The following ZMAT4 variants were observed in gnomAD, a reference collection of about 807,000 sequenced individuals.
ZMAT4 encodes the protein zinc finger matrin-type 4, also known as zinc finger matrin-type protein 4.
ZMAT4 carries 17 observed loss-of-function variants against 28.7 expected under a neutral mutation model. That is an observed-to-expected ratio of 0.59 (90% CI 0.41 to 0.89). The LOEUF is 0.89. Ranked by LOEUF, ZMAT4 falls within the 40% of genes least tolerant of loss-of-function variation. ZMAT4 has a pLI of 0.00. For missense variants in ZMAT4, 240 were observed against 283.8 expected, an observed-to-expected ratio of 0.85 and a Z score of 1.11; for synonymous variants, 117 against 109.2, an observed-to-expected ratio of 1.07 and a Z score of -0.44.
chr8:40,681,323 G>A (rs1019802597), intron 4 of ZMAT4, among the ~76,000 whole-genome samples: 7 of 152,150 alleles, frequency 4.6e-5, no homozygotes, highest in Non-Finnish European at 4.4e-5. Context: ...TTGGAAATGC[G>A]CATTTTTTCT....
At chr8:40,587,216 C>A (rs1261800529) in intron 5 of ZMAT4, among the ~76,000 whole-genome samples, 2 of 151,632 alleles carry the variant, frequency 1.3e-5, no homozygotes, top group Non-Finnish European at 2.9e-5. Flanking sequence ...AGAATATTCT[C>A]AAGGAACAAA....
At chr8:40,693,398 G>A (rs1809741699) in intron 4 of ZMAT4, among the ~76,000 whole-genome samples, 1 of 152,192 alleles carries the variant, frequency 6.6e-6, no homozygotes, top group African/African-American at 2.4e-5. Context: ...TTACAGGTAT[G>A]AGCCTGCTCT....
In ZMAT4 at chr8:40,532,130, T is replaced by A; in HGVS notation, c.*93A>T. ...AATCCTTATAAGAAATGTTTATTGT[T>A]CAAGAAAGAAGCCTCCTCTGGTGGT... On this transcript the variant is annotated 3_prime_UTR_variant, in exon 7 of 7. Transcript: ENST00000297737. 1.6e-6 allele frequency: 2 copies of A among 1,229,774 alleles called. No individual in the cohort carries two copies. The highest frequency in any genetic ancestry group is 2.2e-6 in the Non-Finnish European group (2 of 902,360). 76.2% of individuals were successfully genotyped at this position (1,229,774 alleles called of 1,614,324 possible).
At chr8:40,598,517 C>A (rs1805179477) in intron 5 of ZMAT4, among the ~76,000 whole-genome samples, 1 of 152,090 alleles carries the variant, frequency 6.6e-6, no homozygotes, top group Non-Finnish European at 1.5e-5. Context: ...CCAGTTTCAT[C>A]CATTTCCCTG....
At chr8:40,661,640 T>G (rs1473085376) in intron 5 of ZMAT4, among the ~76,000 whole-genome samples, 1 of 152,198 alleles carries the variant, frequency 6.6e-6, no homozygotes, top group Admixed American at 6.5e-5. Context: ...TAGTTTCCCA[T>G]TTGTTCTAGG....
chr8:40,824,349 G>A (rs1026379927), intron 2 of ZMAT4, among the ~76,000 whole-genome samples: 4 of 152,222 alleles, frequency 2.6e-5, no homozygotes, highest in Non-Finnish European at 5.9e-5. Context: ...GGAGGCTGAG[G>A]TGGGAGGATC....
At chr8:40,815,168 G>A (rs1178116400) in intron 2 of ZMAT4, among the ~76,000 whole-genome samples, 4 of 152,110 alleles carry the variant, frequency 2.6e-5, no homozygotes, top group Non-Finnish European at 2.9e-5. Context: ...CCAGCTACTC[G>A]AGTGGCTGAT....
At chr8:40,569,996 A>G (rs1804042175) in intron 6 of ZMAT4, among the ~76,000 whole-genome samples, 1 of 152,214 alleles carries the variant, frequency 6.6e-6, no homozygotes, top group South Asian at 2.1e-4. Context: ...AACCCCTCAC[A>G]TTTCAAATGA....
chr8:40,814,815 G>T (rs2150599699), intron 2 of ZMAT4, among the ~76,000 whole-genome samples: 1 of 151,184 alleles, frequency 6.6e-6, no homozygotes, highest in East Asian at 1.9e-4. Flanking sequence ...TTTTTGAATT[G>T]TGAATTTGCT....
At chr8:40,891,356 C>T (rs969523227) in intron 1 of ZMAT4, among the ~76,000 whole-genome samples, 1 of 149,424 alleles carries the variant, frequency 6.7e-6, no homozygotes, top group Non-Finnish European at 1.5e-5. Context: ...GTTGGCCACC[C>T]TGCCTGGTGT....
chr8:40,620,632 A>G (rs1018645720), intron 5 of ZMAT4, among the ~76,000 whole-genome samples: 1 of 152,198 alleles, frequency 6.6e-6, no homozygotes, highest in African/African-American at 2.4e-5. Context: ...CCAATTAACA[A>G]TTCCTCACTC....
intron 5 of ZMAT4, among the ~76,000 whole-genome samples, chr8:40,627,848 C>T (rs780638740): frequency 6.4e-4 from 96 of 149,628 alleles, no homozygotes; most frequent in Non-Finnish European, 1.3e-3. Flanking sequence ...GGGGATGGGG[C>T]GGGAGGGAAA....
chr8:40,807,893 C>A (rs970973983), intron 2 of ZMAT4, among the ~76,000 whole-genome samples: 1 of 152,206 alleles, frequency 6.6e-6, no homozygotes, highest in African/African-American at 2.4e-5. Context: ...AGAGGCAAGG[C>A]ATACTGTGCT....
chr8:40,875,501 C>T (rs11774708), intron 1 of ZMAT4, among the ~76,000 whole-genome samples: 14,850 of 152,194 alleles, frequency 0.098, 811 homozygotes, highest in Non-Finnish European at 0.12. Context: ...TGCAGCCACC[C>T]CCCTACCATC....
chr8:40,652,192 G>C (rs576221479), intron 5 of ZMAT4, among the ~76,000 whole-genome samples: 2 of 124,932 alleles, frequency 1.6e-5, no homozygotes, highest in Admixed American at 1.7e-4. Flanking sequence ...ATTTGACAAA[G>C]GGCTAATATC....
chr8:40,615,752 T>A (rs1204451327), intron 5 of ZMAT4, among the ~76,000 whole-genome samples: 1 of 152,254 alleles, frequency 6.6e-6, no homozygotes, highest in Non-Finnish European at 1.5e-5. Context: ...ATCAAGTAGT[T>A]CTCGTGCCAT....
At chr8:40,896,503 G>A (rs1005001944) in intron 1 of ZMAT4, among the ~76,000 whole-genome samples, 1 of 152,206 alleles carries the variant, frequency 6.6e-6, no homozygotes, top group Non-Finnish European at 1.5e-5. Flanking sequence ...AGCTGCCTTC[G>A]CAGAAGAGGA....
At chr8:40,667,302 C>T (rs1808458761) in intron 5 of ZMAT4, among the ~76,000 whole-genome samples, 1 of 151,998 alleles carries the variant, frequency 6.6e-6, no homozygotes, top group Non-Finnish European at 1.5e-5. Flanking sequence ...ACTATAGGCG[C>T]CCGCCACCAC....
At chr8:40,803,406 C>A (rs1338804449) in intron 2 of ZMAT4, among the ~76,000 whole-genome samples, 1 of 152,132 alleles carries the variant, frequency 6.6e-6, no homozygotes, top group Non-Finnish European at 1.5e-5. Flanking sequence ...AACAAGAACA[C>A]AACCCCACTA....
Sources: gnomAD v4.1 joint callset for allele counts (sites outside exome capture counted in the v4.1 genomes callset) on GRCh38, gnomAD v4.1.1 for gene constraint, MANE v1.5 for transcripts, NCBI Gene and HGNC (gene_info 2026-07-23, HGNC 2026-07-21) for gene names.